KCNU1: variants seen among roughly 807,000 people sequenced by gnomAD.
The protein encoded by KCNU1 is potassium calcium-activated channel subfamily U member 1.
KCNU1 carries 93 observed loss-of-function variants against 126.8 expected under a neutral mutation model. That is an observed-to-expected ratio of 0.73 (90% CI 0.62 to 0.87). KCNU1 has a LOEUF of 0.87. Ranked by LOEUF, KCNU1 falls within the 40% of genes least tolerant of loss-of-function variation. KCNU1 has a pLI of 0.00. For missense variants in KCNU1, 1,330 were observed against 1,367.1 expected (o/e 0.97, Z 0.43); for synonymous variants, 523 against 494.2 (o/e 1.06, Z -0.77).
At chr8:36,850,760 A>G (rs186397532) in intron 18 of KCNU1, among the ~76,000 whole-genome samples, 17 of 152,320 alleles carry the variant, frequency 1.1e-4, no homozygotes, top group East Asian at 3.9e-4. Context: ...CCCAGCCTCT[A>G]TGATCTATTC....
chr8:36,825,366 C>T (rs188435002), intron 10 of KCNU1, among the ~76,000 whole-genome samples: 372 of 152,144 alleles, frequency 2.4e-3, no homozygotes, highest in Non-Finnish European at 2.8e-3. Flanking sequence ...ATATGTGATT[C>T]GAGCCTTTGT....
At chr8:36,857,242 T>G (rs916495439) in intron 18 of KCNU1, among the ~76,000 whole-genome samples, 4 of 152,202 alleles carry the variant, frequency 2.6e-5, no homozygotes, top group Non-Finnish European at 5.9e-5. Context: ...TGCTTCATTG[T>G]TTTCATCCTG....
At chr8:36,876,335 A>T (rs1806277388) in intron 19 of KCNU1, among the ~76,000 whole-genome samples, 1 of 152,188 alleles carries the variant, frequency 6.6e-6, no homozygotes, top group Non-Finnish European at 1.5e-5. Context: ...GAAAACAGAC[A>T]AGGAACCATC....
At chr8:36,796,529 G>A (rs908922697) in intron 2 of KCNU1, among the ~76,000 whole-genome samples, 45 of 152,064 alleles carry the variant, frequency 3.0e-4, no homozygotes, top group African/African-American at 1.1e-3. Context: ...ATTCTTATAC[G>A]ATATCCACTG....
At chr8:36,922,675 A>C in intron 24 of KCNU1, 46 bp downstream of exon 24, 1 of 1,592,442 alleles carries the variant, frequency 6.3e-7, no homozygotes, top group Non-Finnish European at 8.5e-7. Context: ...AGCCCTCTGC[A>C]GAGAAGTGAA....
intron 19 of KCNU1, among the ~76,000 whole-genome samples, chr8:36,865,422 G>A (rs1805869367): frequency 6.6e-6 from 1 of 151,978 alleles, no homozygotes; most frequent in Non-Finnish European, 1.5e-5. Flanking sequence ...CATTGCAGCA[G>A]TATTCGCAAT....
intron 18 of KCNU1, among the ~76,000 whole-genome samples, chr8:36,849,247 C>T (rs1026245092): frequency 6.6e-6 from 1 of 152,178 alleles, no homozygotes; most frequent in African/African-American, 2.4e-5. Flanking sequence ...TAGTTTGTGG[C>T]TTGTTGTGTC....
intron 14 of KCNU1, among the ~76,000 whole-genome samples, chr8:36,837,981 G>A (rs1027154088): frequency 2.0e-5 from 3 of 152,096 alleles, no homozygotes; most frequent in Admixed American, 6.5e-5. Flanking sequence ...GCTATTTAAC[G>A]AAAAGCAAAA....
At chr8:36,884,823 A>G (rs1806632476) in intron 19 of KCNU1, among the ~76,000 whole-genome samples, 2 of 152,150 alleles carry the variant, frequency 1.3e-5, no homozygotes, top group African/African-American at 4.8e-5. Context: ...GTGGCCTAGG[A>G]GAAGCAGTCT....
chr8:36,876,450 G>A (rs541719760), intron 19 of KCNU1, among the ~76,000 whole-genome samples: 1 of 152,194 alleles, frequency 6.6e-6, no homozygotes, highest in African/African-American at 2.4e-5. Context: ...AAACATGTTT[G>A]TATAATTACA....
chr8:36,887,495 C>CA (rs1415189483), intron 19 of KCNU1, among the ~76,000 whole-genome samples: 6 of 113,804 alleles, frequency 5.3e-5, no homozygotes, highest in African/African-American at 2.1e-4. Context: ...TTAAATGTAT[C>CA]ACAACTAGGC....
At chr8:36,933,527 A>T (rs1808766589) in intron 26 of KCNU1, among the ~76,000 whole-genome samples, 1 of 152,170 alleles carries the variant, frequency 6.6e-6, no homozygotes, top group Admixed American at 6.6e-5. Flanking sequence ...GACAGCCCTG[A>T]GGAAGATAGA....
chr8:36,871,901 T>C (rs1213551158), intron 19 of KCNU1, among the ~76,000 whole-genome samples: 1 of 152,204 alleles, frequency 6.6e-6, no homozygotes, highest in African/African-American at 2.4e-5. Context: ...AATGAGACCT[T>C]GTCTGTTTAG....
At chr8:36,824,972 A>G (rs777830359) in intron 10 of KCNU1, among the ~76,000 whole-genome samples, 7 of 152,188 alleles carry the variant, frequency 4.6e-5, no homozygotes, top group Non-Finnish European at 1.0e-4. Flanking sequence ...CTTGGTACCC[A>G]AAAATATAAT....
At chr8:36,916,294 G>C (rs536891805) in intron 22 of KCNU1, among the ~76,000 whole-genome samples, 84 of 145,326 alleles carry the variant, frequency 5.8e-4, no homozygotes, top group Non-Finnish European at 1.2e-3. Flanking sequence ...ACAAAAGGAA[G>C]AAAGAAAGGA....
In KCNU1 at chr8:36,895,089, A is replaced by AT. The variant is rs970637364; in HGVS notation, c.2010-10607dup. ...CTTAACAATAGTAAAGTTTTTTGTG[A>AT]TTTTTTTTTTTTGGAAACAGAATCT... is the stretch of plus-strand genomic sequence containing the variant. On this transcript the variant is annotated intron_variant, in intron 19 of 26. Transcript: ENST00000399881. 9.3e-4 allele frequency among the ~76,000 whole-genome samples: 135 copies of AT among 145,842 alleles called. 1 individual carries two copies. Among genetic ancestry groups the AT allele is most frequent in the Admixed American group, 1.2e-3 (17 of 14,602 alleles).
intron 18 of KCNU1, among the ~76,000 whole-genome samples, chr8:36,863,589 C>G (rs533836429): frequency 3.9e-5 from 6 of 152,148 alleles, no homozygotes; most frequent in Non-Finnish European, 8.8e-5. Context: ...AAAATCACAA[C>G]AGCAAGTGCA....
intron 4 of KCNU1, among the ~76,000 whole-genome samples, chr8:36,805,625 A>C: frequency 6.6e-6 from 1 of 151,996 alleles, no homozygotes; most frequent in Non-Finnish European, 1.5e-5. Context: ...CCTTAGCTCC[A>C]CTGGTGGCAT....
intron 18 of KCNU1, among the ~76,000 whole-genome samples, chr8:36,852,381 C>A (rs557474262): frequency 3.9e-5 from 6 of 152,184 alleles, no homozygotes; most frequent in African/African-American, 1.4e-4. Flanking sequence ...AAACTCACCC[C>A]ATAGAATGAA....
Sources: gnomAD v4.1 joint callset for allele counts (sites outside exome capture counted in the v4.1 genomes callset) on GRCh38, gnomAD v4.1.1 for gene constraint, MANE v1.5 for transcripts, NCBI Gene and HGNC (gene_info 2026-07-23, HGNC 2026-07-21) for gene names.